The following SBNO2 variants were observed in gnomAD, a reference collection of about 807,000 sequenced individuals.
SBNO2 encodes protein strawberry notch homolog 2.
Under a neutral mutation model 146.3 loss-of-function variants are expected in SBNO2, and 89 were observed. The ratio of observed to expected loss-of-function variants is 0.61; its 90% CI spans 0.51 to 0.73. The LOEUF is 0.73. SBNO2 is among the 30% of genes least tolerant of loss of function. The pLI is 0.00. For synonymous variants in SBNO2, 1,147 were observed against 892.6 expected (o/e 1.29, Z -5.08); for missense variants, 2,092 against 2,003.7 (o/e 1.04, Z -0.84).
chr19:1,166,176 C>T lies in SBNO2; in HGVS notation c.-127+7996G>A, dbSNP rs1172910293. 3.0e-5 allele frequency among the ~76,000 whole-genome samples: 4 copies of T among 133,050 alleles called. No individual in the cohort carries two copies. The South Asian group carries it at 7.6e-4, about 25-fold the overall frequency. The allele number at this position is 133,050 out of a possible 152,430, so 87.3% of individuals were successfully genotyped here. A position where few individuals can be genotyped will look rare whatever the true frequency, so the allele number is the denominator to read the frequency against. On this transcript the variant is annotated intron_variant, in intron 1 of 31. Transcript: ENST00000361757. Reference sequence around the variant, plus strand: ...ATCCCAGACTTCAGATCCCCAGACCCCAGATCCCAGACTTCAGATCCCCGG... The same window carrying T: ...ATCCCAGACTTCAGATCCCCAGACCTCAGATCCCAGACTTCAGATCCCCGG...
Position 1,119,988 on chromosome 19 carries a change from G to C in SBNO2, c.1185C>G (p.Ala395=), listed in dbSNP as rs776772115. The C allele has an allele frequency of 2.8e-5, 44 of 1,551,182 alleles. No homozygotes were observed. The South Asian group carries it at 4.3e-4, about 15-fold the overall frequency. ...VFDECHKAKN[A]GSTKMGKAVL... ...CAGCCTTGCCCATCTTGGTGGAGCC[G>C]GCATTCTTGGCTTTGTGACACTCGT... Residue 395 remains alanine (A), a synonymous_variant, in exon 12 of 32, where the codon GCC becomes GCG. Transcript: ENST00000361757.
rs537280941 is a variant in SBNO2 at position 1,144,910 on chromosome 19, G to A, written c.279+2399C>T. On this transcript the variant is annotated intron_variant, in intron 4 of 31. Coordinates refer to ENST00000361757, the MANE Select transcript of SBNO2 (RefSeq NM_014963.3). This position sits in a 1 kb window ranked among gnomAD's most constrained non-coding sequence, Gnocchi z 4.1. ...GAGACAGAGAGACAGAGGCGGAGATGGAGACAGAGACAGAGAGACAGAGAC... is the reference window on the plus strand; with the variant it reads ...GAGACAGAGAGACAGAGGCGGAGATAGAGACAGAGACAGAGAGACAGAGAC... Among the ~76,000 whole-genome samples the A allele has an allele frequency of 2.2e-3, 240 of 107,796 alleles. 2 individuals are homozygous for A. The highest frequency in any genetic ancestry group is 0.012 in the African/African-American group (227 of 18,802). The allele number at this position is 107,796 out of a possible 152,430, so 70.7% of individuals were successfully genotyped here. A position where few individuals can be genotyped will look rare whatever the true frequency, so the allele number is the denominator to read the frequency against.
At position 1,109,903 on chromosome 19, in the gene SBNO2, G is replaced by A. The variant is rs1265319690; in HGVS notation, c.3029-126C>T. The A allele has an allele frequency of 1.4e-6, 1 of 703,596 alleles. No individual in the cohort carries two copies. The highest frequency in any genetic ancestry group is 2.3e-6 in the Non-Finnish European group (1 of 426,388). 43.6% of individuals were successfully genotyped at this position (703,596 alleles called of 1,614,324 possible). ...CGAGAGCACAGGAGAGGGTGTCCTG[G>A]ATCCTGGCCTGACCTGGCCCAGCGT... On this transcript the variant is annotated intron_variant, in intron 26 of 31. Transcript: ENST00000361757. The surrounding 1 kb of genome is among the most constrained non-coding windows in gnomAD (Gnocchi z 4.2).
At chr19:1,132,143 C>T (rs769281345) in intron 4 of SBNO2, 9 of 1,496,530 alleles carry the variant, frequency 6.0e-6, no homozygotes, top group East Asian at 5.6e-5. Context: ...ATGGTCCCGG[C>T]GCTCGGGGGG....
chr19:1,164,823 G>GGA (rs527431937), intron 1 of SBNO2, among the ~76,000 whole-genome samples: 17 of 66 alleles, frequency 0.26, no homozygotes, highest in African/African-American at 0.36. Flanking sequence ...AGCAGGAGGA[G>GGA]GGAGGAGGAA....
At chr19:1,159,894 C>G (rs1219423740) in intron 1 of SBNO2, among the ~76,000 whole-genome samples, 1 of 151,914 alleles carries the variant, frequency 6.6e-6, no homozygotes, top group African/African-American at 2.4e-5. Flanking sequence ...GAGGACTTCG[C>G]CCCCCACAGA....
At chr19:1,134,941 G>C (rs567217341) in intron 4 of SBNO2, among the ~76,000 whole-genome samples, 15 of 151,416 alleles carry the variant, frequency 9.9e-5, no homozygotes, top group African/African-American at 3.7e-4. Flanking sequence ...AGCTACTCGG[G>C]AGGCTGAGGC....
Position 1,122,567 on chromosome 19 carries a change from T to C in SBNO2, c.915-9A>G, listed in dbSNP as rs1184067676. The C allele has an allele frequency of 1.3e-6, 2 of 1,530,974 alleles. No individual in the cohort carries two copies. The highest frequency in any genetic ancestry group is 1.4e-5 in the African/African-American group (1 of 72,768). The allele number at this position is 1,530,974 out of a possible 1,614,324, so 94.8% of individuals were successfully genotyped here. ...CGTTGGAGACGCTGAACCTGCGGGG[T>C]GGGGGCGTCAGGCGCGCCCACCCTT... On this transcript the variant is annotated splice_polypyrimidine_tract_variant and intron_variant, in intron 9 of 31. Coordinates refer to ENST00000361757, the MANE Select transcript of SBNO2 (RefSeq NM_014963.3).
chr19:1,151,409 C>T (rs8103980), intron 2 of SBNO2, among the ~76,000 whole-genome samples: 43 of 152,178 alleles, frequency 2.8e-4, no homozygotes, highest in African/African-American at 1.0e-3. Context: ...GGGGAAAGTC[C>T]TGACTGCCTC....
At chr19:1,130,060 G>A (rs964534238) in intron 4 of SBNO2, among the ~76,000 whole-genome samples, 12 of 152,160 alleles carry the variant, frequency 7.9e-5, no homozygotes, top group Admixed American at 3.3e-4. Context: ...ACCGCCCAAC[G>A]CATCTGAAAC....
chr19:1,111,947 T>A, intron 23 of SBNO2, 49 bp downstream of exon 23: 158 of 1,291,230 alleles, frequency 1.2e-4, no homozygotes, highest in Non-Finnish European at 1.6e-4. Flanking sequence ...CGGCCCTCCC[T>A]AGACCCCTGC....
At chr19:1,118,498 C>G (rs1252695378) in intron 14 of SBNO2, among the ~76,000 whole-genome samples, 1 of 152,196 alleles carries the variant, frequency 6.6e-6, no homozygotes, top group Non-Finnish European at 1.5e-5. Context: ...GGGCCAGGAC[C>G]TGGGGGCAAA....
At chr19:1,131,949 A>C in intron 4 of SBNO2, 1 of 513,534 alleles carries the variant, frequency 1.9e-6, no homozygotes. Flanking sequence ...CGGGGTGGGG[A>C]TTTTTTTAGA....
At chr19:1,111,234 C>T (rs1005569542) in intron 24 of SBNO2, 141 bp from the exon 25 acceptor site, 23 of 982,562 alleles carry the variant, frequency 2.3e-5, no homozygotes, top group East Asian at 7.9e-5. Context: ...GGGCCAGGAG[C>T]GGAGCCTTTT....
intron 1 of SBNO2, among the ~76,000 whole-genome samples, chr19:1,170,726 C>A (rs2080469221): frequency 6.6e-6 from 1 of 152,238 alleles, no homozygotes; most frequent in Admixed American, 6.5e-5. Flanking sequence ...GAACACGCAG[C>A]ACGCACACAA....
At chr19:1,149,560 C>T in intron 2 of SBNO2, 118 bp from the exon 3 acceptor site, 1 of 854,350 alleles carries the variant, frequency 1.2e-6, no homozygotes, top group Non-Finnish European at 1.9e-6. Context: ...AGTCAGGGTC[C>T]CATCCCGCCC....
chr19:1,109,281 C>A lies in SBNO2; in HGVS notation c.3348+11G>T. On this transcript the variant is annotated intron_variant, in intron 29 of 31. Transcript: ENST00000361757. The surrounding 1 kb of genome is among the most constrained non-coding windows in gnomAD (Gnocchi z 4.2). ...CAACCCGAGCGAAAGCTGCGCCCGG[C>A]GGCCGCCTACCCGGTGGAACTTGCG... 6.3e-7 allele frequency: 1 copy of A among 1,585,994 alleles called. No homozygotes were observed. Among genetic ancestry groups the A allele is most frequent in the Admixed American group, 1.8e-5 (1 of 56,162 alleles).
At position 1,109,542 on chromosome 19, in the gene SBNO2, C is replaced by T. The variant is rs767311059; in HGVS notation, c.3180G>A (p.Leu1060=). The change falls in exon 28 of 32, where the codon CTG becomes CTA. Residue 1060 remains leucine (L), a synonymous_variant. Coordinates refer to ENST00000361757, the MANE Select transcript of SBNO2 (RefSeq NM_014963.3). This position sits in a 1 kb window ranked among gnomAD's most constrained non-coding sequence, Gnocchi z 4.2. ...GGTAGAAGCCGTCATAGGGGCCCGT[C>T]AGCGCCAGCGACTTGGCAAAGGCGT... ...WEDAFAKSLA[L]TGPYDGFYLS... The T allele has an allele frequency of 6.2e-7, 1 of 1,601,468 alleles. No individual in the cohort carries two copies. The highest frequency in any genetic ancestry group is 1.1e-5 in the South Asian group (1 of 89,238).
chr19:1,154,527 G>A (rs960962362), intron 1 of SBNO2, 125 bp from the exon 2 acceptor site: 29 of 365,300 alleles, frequency 7.9e-5, no homozygotes, highest in African/African-American at 1.7e-4. Context: ...CTCCTGGGCC[G>A]GAACCAAAAG....
Sources: gnomAD v4.1 joint callset for allele counts (sites outside exome capture counted in the v4.1 genomes callset) on GRCh38, gnomAD v4.1.1 for gene constraint, Gnocchi (gnomAD v3.1) non-coding constraint, MANE v1.5 for transcripts, NCBI Gene and HGNC (gene_info 2026-07-23, HGNC 2026-07-21) for gene names.